FOXN3: variants seen among roughly 807,000 people sequenced by gnomAD.
FOXN3 encodes the protein forkhead box protein N3.
Under a neutral mutation model 38.4 loss-of-function variants are expected in FOXN3, and 7 were observed. The observed-to-expected ratio is 0.18, with a 90% CI of 0.10 to 0.34. The LOEUF (loss-of-function observed/expected upper bound fraction) is 0.34. FOXN3 is among the 10% of genes least tolerant of loss of function. The pLI is 1.00. For missense variants in FOXN3, 456 were observed against 613.4 expected, an observed-to-expected ratio of 0.74 and a Z score of 2.71; for synonymous variants, 230 against 242.2, an observed-to-expected ratio of 0.95 and a Z score of 0.47.
intron 1 of FOXN3, among the ~76,000 whole-genome samples, chr14:89,432,048 G>A (rs899597037): frequency 6.6e-6 from 1 of 152,154 alleles, no homozygotes; most frequent in Admixed American, 6.5e-5. Flanking sequence ...AACAATATGT[G>A]ATGTAAAAAC....
intron 2 of FOXN3, among the ~76,000 whole-genome samples, chr14:89,378,934 G>A (rs1017524854): frequency 3.9e-5 from 6 of 152,030 alleles, no homozygotes; most frequent in African/African-American, 1.5e-4. Context: ...CTCAATCCCT[G>A]GACCTCAAGT....
intron 1 of FOXN3, among the ~76,000 whole-genome samples, chr14:89,561,132 C>T (rs149487538): frequency 3.9e-5 from 6 of 152,342 alleles, no homozygotes; most frequent in African/African-American, 1.4e-4. Flanking sequence ...GCATCGCCAA[C>T]GGGTGGCCTC....
intron 1 of FOXN3, among the ~76,000 whole-genome samples, chr14:89,446,111 A>AAAAAAAAAAAAAAAT (rs1203799928): frequency 2.1e-5 from 3 of 142,858 alleles, no homozygotes; most frequent in Admixed American, 7.1e-5. Flanking sequence ...AAAAAAAAAA[A>AAAAAAAAAAAAAAAT]TTTTAAGGAA....
intron 1 of FOXN3, among the ~76,000 whole-genome samples, chr14:89,565,848 G>C (rs553048854): frequency 6.6e-6 from 1 of 152,346 alleles, no homozygotes; most frequent in African/African-American, 2.4e-5. Flanking sequence ...TTAACACAAA[G>C]AGATGCTGGG....
intron 1 of FOXN3, among the ~76,000 whole-genome samples, chr14:89,426,386 C>T (rs1426024771): frequency 2.2e-5 from 2 of 90,266 alleles, no homozygotes; most frequent in East Asian, 2.8e-4. Flanking sequence ...CCATCACGCC[C>T]AGCTAATTTT....
chr14:89,314,087 G>A (rs1286142675), intron 3 of FOXN3, among the ~76,000 whole-genome samples: 1 of 152,066 alleles, frequency 6.6e-6, no homozygotes, highest in Admixed American at 6.6e-5. Flanking sequence ...ATACTTAAAA[G>A]TGATTAAAAG....
chr14:89,524,705 A>G (rs890862009), intron 1 of FOXN3, among the ~76,000 whole-genome samples: 6 of 152,150 alleles, frequency 3.9e-5, no homozygotes, highest in African/African-American at 1.4e-4. Flanking sequence ...ATTTAAATTT[A>G]GTTGACAAAT....
chr14:89,212,565 G>A (rs1050507896), intron 4 of FOXN3, among the ~76,000 whole-genome samples: 2 of 152,226 alleles, frequency 1.3e-5, no homozygotes, highest in Non-Finnish European at 1.5e-5. Flanking sequence ...GCCATGAGGT[G>A]TGTTCCTGAC....
intron 3 of FOXN3, among the ~76,000 whole-genome samples, chr14:89,310,176 T>G (rs1349632886): frequency 6.6e-6 from 1 of 152,094 alleles, no homozygotes; most frequent in African/African-American, 2.4e-5. Context: ...AATGAATAGC[T>G]TAGGGAGGGG....
chr14:89,532,798 A>C (rs1292483205), intron 1 of FOXN3, among the ~76,000 whole-genome samples: 1 of 152,208 alleles, frequency 6.6e-6, no homozygotes, highest in African/African-American at 2.4e-5. Context: ...TTAAAAACAA[A>C]ACAAAAACCA....
intron 4 of FOXN3, among the ~76,000 whole-genome samples, chr14:89,204,968 T>C (rs1458223444): frequency 7.0e-6 from 1 of 142,186 alleles, no homozygotes; most frequent in Admixed American, 6.7e-5. Context: ...AAAGGTATCA[T>C]GGAAATAAAA....
chr14:89,406,459 T>C (rs543053667), intron 2 of FOXN3, among the ~76,000 whole-genome samples: 74 of 152,170 alleles, frequency 4.9e-4, no homozygotes, highest in Admixed American at 1.3e-3. Flanking sequence ...TGGAAGGAAT[T>C]AGGTTCCTTC....
At chr14:89,603,582 AC>A (rs1164470795) in intron 1 of FOXN3, among the ~76,000 whole-genome samples, 1 of 152,234 alleles carries the variant, frequency 6.6e-6, no homozygotes, top group Non-Finnish European at 1.5e-5. Context: ...AAGAAGGAAC[AC>A]AAAGAGAAAG....
chr14:89,611,805 C>CAAA (rs56373132), intron 1 of FOXN3, among the ~76,000 whole-genome samples: 30 of 89,196 alleles, frequency 3.4e-4, no homozygotes, highest in African/African-American at 5.6e-4. Flanking sequence ...GACTCCGTCT[C>CAAA]AAAAAAAAAA....
intron 3 of FOXN3, among the ~76,000 whole-genome samples, chr14:89,295,963 A>T (rs547613467): frequency 5.9e-5 from 9 of 152,168 alleles, no homozygotes; most frequent in African/African-American, 2.2e-4. Flanking sequence ...CTATAGTAAC[A>T]CATCTTCTTC....
chr14:89,536,548 G>A (rs1014906033), intron 1 of FOXN3, among the ~76,000 whole-genome samples: 5 of 152,296 alleles, frequency 3.3e-5, no homozygotes, highest in South Asian at 2.1e-4. Flanking sequence ...TTGGGAGGCC[G>A]AGGCGGGCGG....
chr14:89,297,958 C>CT (rs1317292356), intron 3 of FOXN3, among the ~76,000 whole-genome samples: 1 of 152,082 alleles, frequency 6.6e-6, no homozygotes, highest in African/African-American at 2.4e-5. Context: ...GCACTCTGGC[C>CT]TGGGTGACAG....
At chr14:89,193,538 C>A (rs924705158) in intron 4 of FOXN3, among the ~76,000 whole-genome samples, 6 of 152,138 alleles carry the variant, frequency 3.9e-5, no homozygotes, top group African/African-American at 7.2e-5. Context: ...CCCACCCCCC[C>A]ACCTTCTGTT....
chr14:89,296,202 G>C (rs1417212504), intron 3 of FOXN3, among the ~76,000 whole-genome samples: 1 of 152,094 alleles, frequency 6.6e-6, no homozygotes, highest in Non-Finnish European at 1.5e-5. Flanking sequence ...CCACGGCTAC[G>C]ATTTTACATG....
Sources: gnomAD v4.1 joint callset for allele counts (sites outside exome capture counted in the v4.1 genomes callset) on GRCh38, gnomAD v4.1.1 for gene constraint, MANE v1.5 for transcripts, NCBI Gene and HGNC (gene_info 2026-07-23, HGNC 2026-07-21) for gene names.